Variants in TENM3 observed in about 807,000 individuals in gnomAD.
TENM3 encodes the protein teneurin transmembrane protein 3, also known as teneurin-3.
Under a neutral mutation model 255.1 loss-of-function variants are expected in TENM3, and 63 were observed. The observed-to-expected ratio is 0.25, with a 90% CI of 0.20 to 0.30. The LOEUF (loss-of-function observed/expected upper bound fraction) is 0.30, where lower values mean the gene tolerates loss of function less well. Ranked by LOEUF, TENM3 falls within the 10% of genes least tolerant of loss-of-function variation. The pLI is 1.00. For missense variants in TENM3, 2,929 were observed against 3,461.1 expected (o/e 0.85, Z 3.86); for synonymous variants, 1,306 against 1,322.3 (o/e 0.99, Z 0.27).
rs561406925 is a variant in TENM3, at chr4:182,743,475, A to G, written c.3629+56A>G. On this transcript the variant is annotated intron_variant, in intron 19 of 27. Coordinates refer to ENST00000511685, the MANE Select transcript of TENM3 (RefSeq NM_001080477.4). The stretch of plus-strand genomic sequence containing the variant: ...CAAAGCTAAACGTGCCTCTTTAAAA[A>G]AAAGGTTGAGTCTGATGTACTGATT... 6.2e-5 allele frequency: 98 copies of G among 1,583,386 alleles called. 1 individual carries two copies. The African/African-American group carries it at 1.2e-3, about 19-fold the overall frequency.
At position 182,517,605 on chromosome 4, in the gene TENM3, G is replaced by A. The variant is rs1038632398; in HGVS notation, c.512-83319G>A. Among the ~76,000 whole-genome samples, 6 of 130,396 alleles carry A rather than the reference G, an allele frequency of 4.6e-5. 1 individual carries two copies. Among genetic ancestry groups the A allele is most frequent in the African/African-American group, 8.7e-5 (3 of 34,454 alleles). 85.5% of individuals were successfully genotyped at this position (130,396 alleles called of 152,430 possible). On this transcript the variant is annotated intron_variant, in intron 3 of 27. Coordinates refer to ENST00000511685, the MANE Select transcript of TENM3 (RefSeq NM_001080477.4). ...TCACCGTGTTAGCCAGGATGGTCTC[G>A]ATCTCCTGACCTCGTGATCCGCCCG...
At chr4:182,503,158 C>G (rs1264639265) in intron 3 of TENM3, among the ~76,000 whole-genome samples, 2 of 152,084 alleles carry the variant, frequency 1.3e-5, no homozygotes, top group Non-Finnish European at 2.9e-5. Context: ...TTTTCTCCAG[C>G]AAATACACCA....
intron 3 of TENM3, among the ~76,000 whole-genome samples, chr4:182,436,950 C>T (rs1772092806): frequency 6.6e-6 from 1 of 151,240 alleles, no homozygotes; most frequent in Non-Finnish European, 1.5e-5. Context: ...ATTGCTTGAA[C>T]CCAGGAGGCG....
At chr4:182,308,301 A>G (rs574048009) in intron 1 of TENM3, among the ~76,000 whole-genome samples, 2 of 151,974 alleles carry the variant, frequency 1.3e-5, no homozygotes, top group East Asian at 3.9e-4. Flanking sequence ...TTTTAAAATT[A>G]TAGATTATGC....
chr4:181,641,624 G>T, the TENM3 span, among the ~76,000 whole-genome samples: 1 of 56,190 alleles, frequency 1.8e-5, no homozygotes, highest in Non-Finnish European at 3.5e-5. Flanking sequence ...TATATATGGT[G>T]TGTGTATATA....
At chr4:182,062,723 A>C in the TENM3 span, among the ~76,000 whole-genome samples, 1 of 152,232 alleles carries the variant, frequency 6.6e-6, no homozygotes. Context: ...TTGCATAGAC[A>C]CTTTGGACTC....
chr4:182,578,621 T>G (rs567163591), intron 3 of TENM3, among the ~76,000 whole-genome samples: 75 of 148,754 alleles, frequency 5.0e-4, no homozygotes, highest in Admixed American at 2.1e-3. Flanking sequence ...AAGAAAATAG[T>G]CATCACTTCA....
chr4:182,743,445 T>C (rs1579314704), intron 19 of TENM3, 26 bp downstream of exon 19: 2 of 1,607,534 alleles, frequency 1.2e-6, no homozygotes, highest in East Asian at 4.5e-5. Flanking sequence ...ATTTGGGCTT[T>C]TAACCAAAGC....
At chr4:181,980,851 TC>T in the TENM3 span, among the ~76,000 whole-genome samples, 1 of 152,150 alleles carries the variant, frequency 6.6e-6, no homozygotes, top group East Asian at 1.9e-4. Context: ...GCCTATTTTT[TC>T]TTTTTTTTTA....
chr4:182,515,639 A>G (rs1294072120), intron 3 of TENM3, among the ~76,000 whole-genome samples: 1 of 152,218 alleles, frequency 6.6e-6, no homozygotes, highest in Non-Finnish European at 1.5e-5. Context: ...GAGACTTAAT[A>G]TCAACCTCCT....
chr4:181,757,343 C>G, the TENM3 span, among the ~76,000 whole-genome samples: 2 of 152,094 alleles, frequency 1.3e-5, no homozygotes, highest in African/African-American at 4.8e-5. Context: ...CAGAGAATGA[C>G]AAGGTTGCCC....
intron 1 of TENM3, among the ~76,000 whole-genome samples, chr4:182,305,816 A>T (rs1454298807): frequency 2.0e-5 from 3 of 152,194 alleles, no homozygotes; most frequent in Non-Finnish European, 2.9e-5. Flanking sequence ...TACTTCACAG[A>T]AGCCCATTTC....
At chr4:181,478,834 A>G in the TENM3 span, among the ~76,000 whole-genome samples, 1 of 152,216 alleles carries the variant, frequency 6.6e-6, no homozygotes, top group African/African-American at 2.4e-5. Context: ...TTTCAGCTCA[A>G]GTGTTTGATG....
rs115384819 is a variant in TENM3 at position 182,795,873 on chromosome 4, G to A, written c.7214-764G>A. Among the ~76,000 whole-genome samples, 1,127 of 152,318 alleles carry A rather than the reference G, an allele frequency of 7.4e-3. 13 individuals are homozygous for A. Among genetic ancestry groups the A allele is most frequent in the African/African-American group, 0.026 (1,074 of 41,560 alleles). ...TATATAAAATAATCTACACCCAACCGTTCTCATAAAGCTGCAAGCCTGCTG... is the reference window on the plus strand; with the variant it reads ...TATATAAAATAATCTACACCCAACCATTCTCATAAAGCTGCAAGCCTGCTG... On this transcript the variant is annotated intron_variant, in intron 26 of 27. Coordinates refer to ENST00000511685, the MANE Select transcript of TENM3 (RefSeq NM_001080477.4).
intron 1 of TENM3, among the ~76,000 whole-genome samples, chr4:182,273,514 A>C (rs1759790048): frequency 6.6e-6 from 1 of 152,214 alleles, no homozygotes; most frequent in Non-Finnish European, 1.5e-5. Context: ...ATAAGAATAC[A>C]AGTCCCTGCT....
chr4:181,946,274 G>C, the TENM3 span, among the ~76,000 whole-genome samples: 1 of 152,200 alleles, frequency 6.6e-6, no homozygotes, highest in East Asian at 1.9e-4. Context: ...GTCTAACCAA[G>C]TTACACTCAC....
the TENM3 span, among the ~76,000 whole-genome samples, chr4:181,688,330 C>T: frequency 1.3e-5 from 2 of 152,038 alleles, no homozygotes; most frequent in Admixed American, 1.3e-4. Context: ...GTTTCCATTT[C>T]AGTTCTACTT....
At chr4:181,571,671 T>A in the TENM3 span, among the ~76,000 whole-genome samples, 1 of 152,228 alleles carries the variant, frequency 6.6e-6, no homozygotes, top group Non-Finnish European at 1.5e-5. Flanking sequence ...ACATTTTTTG[T>A]TATTGATCAT....
At chr4:182,395,761 C>T (rs1017346724) in intron 3 of TENM3, among the ~76,000 whole-genome samples, 3 of 152,146 alleles carry the variant, frequency 2.0e-5, no homozygotes, top group African/African-American at 7.2e-5. Context: ...CCTGTTTGTG[C>T]GGAATTATTT....
Sources: allele counts gnomAD v4.1 joint callset (sites outside exome capture counted in the v4.1 genomes callset), GRCh38; gene constraint gnomAD v4.1.1; transcripts MANE v1.5; gene names NCBI Gene and HGNC (gene_info 2026-07-23, HGNC 2026-07-21).